Variants in BICC1 observed in about 807,000 individuals in gnomAD.
The protein encoded by BICC1 is BicC family RNA binding protein 1, also known as protein bicaudal C homolog 1.
A neutral mutation model predicts 111.0 loss-of-function variants in BICC1; 43 were observed. That is an observed-to-expected ratio of 0.39 (90% CI 0.30 to 0.50). The LOEUF is 0.50. BICC1 is among the 20% of genes least tolerant of loss of function. The pLI, the probability that BICC1 is intolerant of heterozygous loss-of-function variation, is 0.88. For missense variants in BICC1, 1,091 were observed against 1,203.2 expected (o/e 0.91, Z 1.38); for synonymous variants, 467 against 434.4 (o/e 1.07, Z -0.93).
At chr10:58,563,665 A>G (rs980306047) in intron 1 of BICC1, among the ~76,000 whole-genome samples, 2 of 152,184 alleles carry the variant, frequency 1.3e-5, no homozygotes, top group South Asian at 2.1e-4. Flanking sequence ...CCACTCAGCC[A>G]TTGATGATGA....
chr10:58,582,982 G>T (rs949723298), intron 1 of BICC1, among the ~76,000 whole-genome samples: 1 of 152,112 alleles, frequency 6.6e-6, no homozygotes, highest in African/African-American at 2.4e-5. Context: ...CAGGGATTAT[G>T]ATGGAGGGGC....
chr10:58,797,269 T>C (rs1169216683), intron 10 of BICC1, among the ~76,000 whole-genome samples: 1 of 152,242 alleles, frequency 6.6e-6, no homozygotes, highest in African/African-American at 2.4e-5. Context: ...TCCTAGAAAA[T>C]CATCCTGGGT....
At chr10:58,618,391 T>C (rs1226127234) in intron 1 of BICC1, among the ~76,000 whole-genome samples, 5 of 152,244 alleles carry the variant, frequency 3.3e-5, no homozygotes, top group Non-Finnish European at 2.9e-5. Flanking sequence ...TGATCACCCA[T>C]GTGAGGTCGT....
At position 58,700,111 on chromosome 10, in the gene BICC1, C is replaced by T. The variant is rs541158625; in HGVS notation, c.238-1963C>T. ...GAACTTAGTTTCTGTTTTGCAGAAA[C>T]AGGTTGTAAATAAGTAAGTTCAGAA... is the stretch of plus-strand genomic sequence containing the variant. On this transcript the variant is annotated intron_variant, in intron 2 of 20. Transcript: ENST00000373886. 3.3e-5 allele frequency among the ~76,000 whole-genome samples: 5 copies of T among 152,230 alleles called. No homozygotes were observed. In the South Asian group the frequency reaches 1.0e-3, roughly 32 times the overall value.
At chr10:58,586,204 C>T (rs927618860) in intron 1 of BICC1, among the ~76,000 whole-genome samples, 1 of 149,606 alleles carries the variant, frequency 6.7e-6, no homozygotes, top group African/African-American at 2.5e-5. Context: ...CCCATTTATT[C>T]ATCCATCCAT....
Position 58,701,897 on chromosome 10 carries a change from TA to T in BICC1, c.238-172del, listed in dbSNP as rs1426487365. On this transcript the variant is annotated intron_variant, in intron 2 of 20. Coordinates refer to ENST00000373886, the MANE Select transcript of BICC1 (RefSeq NM_001080512.3). The stretch of plus-strand genomic sequence containing the variant: ...ATATTTCTAATAGATTAAAGGCTTA[TA>T]AAAACATCTCTTTTCCCCCCAGGGT... Among the ~76,000 whole-genome samples the T allele has an allele frequency of 3.3e-5, 5 of 152,142 alleles. No individual in the cohort carries two copies. The East Asian group carries it at 5.8e-4, about 18-fold the overall frequency.
intron 3 of BICC1, among the ~76,000 whole-genome samples, chr10:58,772,504 CAAAGAT>C (rs1263276792): frequency 6.6e-6 from 1 of 152,070 alleles, no homozygotes; most frequent in African/African-American, 2.4e-5. Flanking sequence ...ATTTCTGAAC[CAAAGAT>C]AAATACCAGC....
At chr10:58,726,061 G>T (rs937750039) in intron 3 of BICC1, among the ~76,000 whole-genome samples, 2 of 152,120 alleles carry the variant, frequency 1.3e-5, no homozygotes, top group Non-Finnish European at 2.9e-5. Context: ...ATCCACAAGG[G>T]ATTAGAATCT....
intron 18 of BICC1, 40 bp downstream of exon 18, chr10:58,814,026 G>A (rs1844003267): frequency 1.2e-6 from 2 of 1,608,510 alleles, no homozygotes; most frequent in Non-Finnish European, 1.7e-6. Flanking sequence ...GGTATCCCCA[G>A]ATTAGAATGT....
chr10:58,749,723 AC>A (rs765360259), intron 3 of BICC1, among the ~76,000 whole-genome samples: 3 of 152,104 alleles, frequency 2.0e-5, no homozygotes, highest in Non-Finnish European at 2.9e-5. Context: ...TGCCCTCCAG[AC>A]CCTTAGTTGA....
chr10:58,575,196 C>T (rs1268808697), intron 1 of BICC1, among the ~76,000 whole-genome samples: 4 of 151,972 alleles, frequency 2.6e-5, no homozygotes, highest in Admixed American at 6.6e-5. Flanking sequence ...CCCCACTCCC[C>T]AACAGGCCCC....
chr10:58,786,043 T>G (rs531997824), intron 4 of BICC1, among the ~76,000 whole-genome samples: 14 of 152,196 alleles, frequency 9.2e-5, no homozygotes, highest in African/African-American at 1.4e-4. Context: ...AGAACTAAAC[T>G]TAAAAATCAA....
Position 58,748,267 on chromosome 10 carries a change from TTG to T in BICC1, c.308-36733_308-36732del. 2.0e-5 allele frequency among the ~76,000 whole-genome samples: 3 copies of T among 152,220 alleles called. No homozygotes were observed. In the South Asian group the frequency reaches 6.2e-4, roughly 32 times the overall value. ...TGTAGATGTAAAGAACACAGAATTTTTGCCTTCATGGAGCTTATAACCTGGTG... is the reference window on the plus strand; with the variant it reads ...TGTAGATGTAAAGAACACAGAATTTTCCTTCATGGAGCTTATAACCTGGTG... On this transcript the variant is annotated intron_variant, in intron 3 of 20. Transcript: ENST00000373886.
At chr10:58,815,393 G>T (rs987448562) in intron 18 of BICC1, among the ~76,000 whole-genome samples, 1 of 152,210 alleles carries the variant, frequency 6.6e-6, no homozygotes, top group South Asian at 2.1e-4. Flanking sequence ...ACCACTGACA[G>T]TATGATCAAG....
chr10:58,657,667 AAAAG>A (rs1838702421), intron 2 of BICC1, among the ~76,000 whole-genome samples: 1 of 152,204 alleles, frequency 6.6e-6, no homozygotes, highest in Admixed American at 6.5e-5. Context: ...ATATAATGTT[AAAAG>A]AGCTTCAGTC....
rs1390909040 is a variant in BICC1 at position 58,789,928 on chromosome 10, C to G, written c.1042C>G (p.Leu348Val). ...GTCTGTCTGTCTTGCAAGGCAATAT[C>G]TCATGGTAAGGTTACTGAAATAAGT... ...IESVCLARQY[L>V]MGCLPLVLMF... The change falls in exon 8 of 21, where the codon CTC becomes GTC. Residue 348 changes from leucine (L) to valine (V), a missense_variant. This residue lies in a region of BICC1 where 843 missense variants were observed against 900.8 expected (regional missense o/e 0.94). Coordinates refer to ENST00000373886, the MANE Select transcript of BICC1 (RefSeq NM_001080512.3). 6.2e-7 allele frequency: 1 copy of G among 1,614,034 alleles called. No homozygotes were observed. The highest frequency in any genetic ancestry group is 1.1e-5 in the South Asian group (1 of 91,070).
Position 58,513,245 on chromosome 10 carries a change from C to T in BICC1, c.102C>T (p.Asp34=). ...CCCCAGTGCCCGGCTCCGAGGACGA[C>T]TTGGTCGCCGGGGCGACCCTGCACA... The part of the protein sequence containing the change: ...TDSPVPGSED[D]LVAGATLHSP... Residue 34 remains aspartate, a synonymous_variant, in exon 1 of 21, where the codon GAC becomes GAT. Coordinates refer to ENST00000373886, the MANE Select transcript of BICC1 (RefSeq NM_001080512.3). The T allele has an allele frequency of 5.6e-6, 9 of 1,613,084 alleles. No individual in the cohort carries two copies. Among genetic ancestry groups the T allele is most frequent in the African/African-American group, 1.3e-5 (1 of 75,038 alleles).
chr10:58,766,064 A>T (rs1842447215), intron 3 of BICC1, among the ~76,000 whole-genome samples: 1 of 152,178 alleles, frequency 6.6e-6, no homozygotes, highest in African/African-American at 2.4e-5. Flanking sequence ...CTTTTGGCTC[A>T]CTTCAGTTCT....
At chr10:58,686,311 T>A (rs1300900734) in intron 2 of BICC1, among the ~76,000 whole-genome samples, 1 of 152,212 alleles carries the variant, frequency 6.6e-6, no homozygotes, top group Non-Finnish European at 1.5e-5. Flanking sequence ...TTTCCTTCAT[T>A]TCAACTTTGG....
Sources: gnomAD v4.1 joint callset for allele counts (sites outside exome capture counted in the v4.1 genomes callset) on GRCh38, gnomAD v4.1.1 for gene constraint, gnomAD v4.1.1 regional missense constraint, MANE v1.5 for transcripts, NCBI Gene and HGNC (gene_info 2026-07-23, HGNC 2026-07-21) for gene names.